The following SLC17A1 variants were observed in gnomAD, a reference collection of about 807,000 sequenced individuals.
The protein encoded by SLC17A1 is sodium-dependent phosphate transport protein 1.
In SLC17A1, 51 loss-of-function variants were observed where a neutral mutation model predicts 53.5. The ratio of observed to expected loss-of-function variants is 0.95; its 90% CI spans 0.76 to 1.20. SLC17A1 has a LOEUF of 1.20. SLC17A1 is among the 50% of genes most tolerant of loss of function. The pLI is 0.00. For synonymous variants in SLC17A1, 179 were observed against 198.8 expected (o/e 0.90, Z 0.84); for missense variants, 538 against 568.2 (o/e 0.95, Z 0.54).
the SLC17A1 span, among the ~76,000 whole-genome samples, chr6:25,765,987 G>C: frequency 6.6e-6 from 1 of 151,770 alleles, no homozygotes; most frequent in African/African-American, 2.4e-5. Context: ...GAGAAAATAG[G>C]AGACAGAAGC....
the SLC17A1 span, among the ~76,000 whole-genome samples, chr6:25,742,523 A>AAAC: frequency 6.6e-6 from 1 of 151,788 alleles, no homozygotes; most frequent in African/African-American, 2.4e-5. Flanking sequence ...AAAAAAAAAA[A>AAAC]AAAACAGATG....
chr6:25,749,190 A>G, the SLC17A1 span, among the ~76,000 whole-genome samples: 10 of 152,228 alleles, frequency 6.6e-5, no homozygotes, highest in Non-Finnish European at 1.3e-4. Context: ...GGCTTTCCGC[A>G]GTGCATTGTG....
chr6:25,812,151 C>G (rs1330114980), intron 8 of SLC17A1, among the ~76,000 whole-genome samples: 1 of 152,092 alleles, frequency 6.6e-6, no homozygotes. Context: ...GTCCTTGCAG[C>G]AACTTCAGGG....
At chr6:25,761,856 T>A in the SLC17A1 span, 1 of 860,668 alleles carries the variant, frequency 1.2e-6, no homozygotes, top group Non-Finnish European at 1.8e-6. Context: ...TGCTCCTAGT[T>A]CTTAGAAAGA....
rs747924536 is a variant in SLC17A1, at chr6:25,830,525, T to C, written c.33A>G (p.Lys11=). The C allele has an allele frequency of 6.8e-6, 11 of 1,608,428 alleles. No homozygotes were observed. Among genetic ancestry groups the C allele is most frequent in the Non-Finnish European group, 9.4e-6 (11 of 1,175,084 alleles). ...TAATGGAACAGAATAAAGTGCTACC[T>C]TTTTTGGGAGGCAACCGGTTATCCA... MQMDNRLPPK[K]VPGFCSFRYG... Residue 11 remains lysine, a splice_region_variant and synonymous_variant, in exon 2 of 13, where the codon AAA becomes AAG. Transcript: ENST00000244527.
At chr6:25,732,019 C>T in the SLC17A1 span, 2 of 1,504,408 alleles carry the variant, frequency 1.3e-6, no homozygotes, top group Non-Finnish European at 1.8e-6. Flanking sequence ...TCCGCGTGGA[C>T]CTGCTTCAGC....
At chr6:25,811,839 C>G in intron 8 of SLC17A1, 69 bp from the exon 9 acceptor site, 1 of 1,522,160 alleles carries the variant, frequency 6.6e-7, no homozygotes, top group Admixed American at 1.8e-5. Flanking sequence ...AGAGTAATCC[C>G]TATGCTAAAA....
intron 10 of SLC17A1, among the ~76,000 whole-genome samples, chr6:25,810,329 T>C (rs948993664): frequency 3.3e-5 from 5 of 151,984 alleles, no homozygotes; most frequent in Non-Finnish European, 7.4e-5. Context: ...AGAGGCAACC[T>C]GAAGAATAGG....
chr6:25,814,391 C>T (rs1368929278), intron 6 of SLC17A1, among the ~76,000 whole-genome samples: 1 of 152,082 alleles, frequency 6.6e-6, no homozygotes, highest in Non-Finnish European at 1.5e-5. Flanking sequence ...TCATATAATA[C>T]TGTTTATTAT....
At chr6:25,750,735 C>G in the SLC17A1 span, among the ~76,000 whole-genome samples, 1 of 151,784 alleles carries the variant, frequency 6.6e-6, no homozygotes, top group South Asian at 2.1e-4. Flanking sequence ...GAACTACCAA[C>G]CTGGATAAAG....
At chr6:25,770,547 A>T in the SLC17A1 span, 58 of 1,265,384 alleles carry the variant, frequency 4.6e-5, no homozygotes, top group Non-Finnish European at 6.5e-5. Flanking sequence ...CAGAACCAAG[A>T]TCTTATATAT....
chr6:25,812,890 T>C lies in SLC17A1; in HGVS notation c.838A>G (p.Ile280Val), dbSNP rs1224392512. The C allele has an allele frequency of 1.2e-6, 2 of 1,613,394 alleles. No homozygotes were observed. Among genetic ancestry groups the C allele is most frequent in the Non-Finnish European group, 1.7e-6 (2 of 1,179,296 alleles). The change falls in exon 8 of 13, where the codon ATC (isoleucine) becomes GTC (valine). Residue 280 changes from isoleucine (I) to valine (V), a missense_variant. Physicochemically the swap from Ile to Val is conservative, Grantham distance 29. Transcript: ENST00000244527. ...GSFTFFWSHNIMTLYTPMFIN... is the reference protein window; with the variant it reads ...GSFTFFWSHNVMTLYTPMFIN... The stretch of plus-strand genomic sequence containing the variant: ...AACATTGGAGTGTATAGTGTCATGA[T>C]GTTATGTGACCAGAAAAACGTAAAA...
chr6:25,796,226 G>T (rs1435278825), intron 12 of SLC17A1, among the ~76,000 whole-genome samples: 1 of 151,998 alleles, frequency 6.6e-6, no homozygotes, highest in East Asian at 1.9e-4. Context: ...TAAACTGCTG[G>T]TTATATTCCA....
chr6:25,826,782 TAAG>T (rs1561844767), intron 2 of SLC17A1, 149 bp from the exon 3 acceptor site: 1 of 434,864 alleles, frequency 2.3e-6, no homozygotes. Flanking sequence ...TATTATATAA[TAAG>T]AAGATGTGAG....
At chr6:25,750,816 A>AT in the SLC17A1 span, among the ~76,000 whole-genome samples, 202 of 152,090 alleles carry the variant, frequency 1.3e-3, no homozygotes, top group African/African-American at 4.6e-3. Context: ...TTTTAAAAAA[A>AT]TTTTTTTTGT....
downstream of SLC17A1, chr6:25,778,002 T>G (rs1329258230): frequency 6.2e-7 from 1 of 1,612,088 alleles, no homozygotes; most frequent in Non-Finnish European, 8.5e-7. Flanking sequence ...TGCTGCTGGA[T>G]TTTTCATCAG....
At chr6:25,779,685 G>A (rs1763208835), downstream of SLC17A1, 1 of 153,594 alleles carries the variant, frequency 6.5e-6, no homozygotes, top group Non-Finnish European at 1.4e-5. Flanking sequence ...TGCAACTAAT[G>A]GGAGCAAGAT....
chr6:25,777,059 G>A, the SLC17A1 span: 1 of 1,338,154 alleles, frequency 7.5e-7, no homozygotes, highest in African/African-American at 1.5e-5. Flanking sequence ...GGTACAACAG[G>A]TTGCAGGAAA....
chr6:25,798,160 G>A (rs530342980), intron 12 of SLC17A1, among the ~76,000 whole-genome samples: 1 of 152,170 alleles, frequency 6.6e-6, no homozygotes, highest in African/African-American at 2.4e-5. Context: ...TTTATTGAGG[G>A]TTGCAAAATA....
Sources: gnomAD v4.1 joint callset for allele counts (sites outside exome capture counted in the v4.1 genomes callset) on GRCh38, gnomAD v4.1.1 for gene constraint, MANE v1.5 for transcripts, NCBI Gene and HGNC (gene_info 2026-07-23, HGNC 2026-07-21) for gene names.